The following VWC2 variants were observed in gnomAD, a reference collection of about 807,000 sequenced individuals.
VWC2 encodes von Willebrand factor C domain containing 2.
In VWC2, 14 loss-of-function variants were observed where a neutral mutation model predicts 29.8. The observed-to-expected ratio is 0.47, with a 90% CI of 0.31 to 0.74. VWC2 has a LOEUF of 0.74. Among genes scored for constraint, VWC2 ranks in the 30% least tolerant of loss-of-function variants. The pLI is 0.05. For missense variants in VWC2, 457 were observed against 459.8 expected (o/e 0.99, Z 0.05); for synonymous variants, 213 against 199.0 (o/e 1.07, Z -0.59).
rs188370407 is a variant in VWC2 at position 49,856,480 on chromosome 7, A to G, written c.826+53640A>G. On this transcript the variant is annotated intron_variant, in intron 3 of 3. Transcript: ENST00000340652. ...AGGCTGCAGATCATGAGCCAAATAT[A>G]CTTCTTTTCTTTAAAAATTACCCTT... 4.3e-4 allele frequency among the ~76,000 whole-genome samples: 65 copies of G among 152,314 alleles called. 1 individual carries two copies. Among genetic ancestry groups the G allele is most frequent in the Non-Finnish European group, 8.1e-4 (55 of 68,038 alleles).
chr7:49,813,745 T>C (rs938864185), intron 3 of VWC2, among the ~76,000 whole-genome samples: 1 of 152,192 alleles, frequency 6.6e-6, no homozygotes, highest in Admixed American at 6.5e-5. Flanking sequence ...ACATGGCTGT[T>C]GAATGGCAAA....
At chr7:49,776,236 T>A in intron 2 of VWC2, 105 bp downstream of exon 2, 1 of 1,040,734 alleles carries the variant, frequency 9.6e-7, no homozygotes, top group Non-Finnish European at 1.4e-6. Flanking sequence ...TCTCTGGTTC[T>A]GAGAGGTGGA....
chr7:49,826,961 A>G (rs1360560045), intron 3 of VWC2, among the ~76,000 whole-genome samples: 1 of 152,104 alleles, frequency 6.6e-6, no homozygotes, highest in African/African-American at 2.4e-5. Flanking sequence ...TTTTATCTTT[A>G]GCATGTTCAG....
intron 2 of VWC2, 62 bp downstream of exon 2, chr7:49,776,193 G>C (rs1234060667): frequency 7.3e-7 from 1 of 1,375,674 alleles, no homozygotes; most frequent in Non-Finnish European, 9.7e-7. Flanking sequence ...AACAGCTTTG[G>C]TTCTGTGGTC....
Position 49,802,810 on chromosome 7 carries a change from C to G in VWC2, c.796C>G (p.Pro266Ala). 1 of 1,614,178 alleles carries G rather than the reference C, an allele frequency of 6.2e-7. No homozygotes were observed. Among genetic ancestry groups the G allele is most frequent in the Non-Finnish European group, 8.5e-7 (1 of 1,180,032 alleles). The change falls in exon 3 of 4, where the codon CCT becomes GCT. Residue 266 changes from proline to alanine, a missense_variant. By Grantham distance (27) the Pro-to-Ala change is conservative (BLOSUM62 -1). This residue lies in a region of VWC2 where 185 missense variants were observed against 257.1 expected (regional missense o/e 0.72). Coordinates refer to ENST00000340652, the MANE Select transcript of VWC2 (RefSeq NM_198570.5). The part of the protein sequence containing the change: ...QTECVDPVYE[P>A]DQCCPICKNG... Reference sequence around the variant, plus strand: ...GGAGTGTGTGGACCCTGTGTACGAGCCTGATCAGTGCTGTCCCATCTGCAA... The same window carrying G: ...GGAGTGTGTGGACCCTGTGTACGAGGCTGATCAGTGCTGTCCCATCTGCAA...
At chr7:49,822,783 G>C (rs1489470050) in intron 3 of VWC2, among the ~76,000 whole-genome samples, 2 of 152,170 alleles carry the variant, frequency 1.3e-5, no homozygotes, top group Non-Finnish European at 1.5e-5. Context: ...GAGTCTTTGT[G>C]TCTGGCTTCT....
In VWC2 at chr7:49,883,178, C is replaced by T. The variant is rs370744200; in HGVS notation, c.827-28856C>T. On this transcript the variant is annotated intron_variant, in intron 3 of 3. Coordinates refer to ENST00000340652, the MANE Select transcript of VWC2 (RefSeq NM_198570.5). ...TGTCAGACCTTTATGCAGGTTTGAG[C>T]TTGAGGAGAAGCAGGCAATGAAGTC... 1.5e-3 allele frequency among the ~76,000 whole-genome samples: 232 copies of T among 152,090 alleles called. 3 individuals carry two copies. Among genetic ancestry groups the T allele is most frequent in the African/African-American group, 5.4e-3 (222 of 41,492 alleles).
chr7:49,792,371 T>C (rs534040059), intron 2 of VWC2, among the ~76,000 whole-genome samples: 3 of 152,324 alleles, frequency 2.0e-5, no homozygotes, highest in East Asian at 1.9e-4. Flanking sequence ...AGGGGCAGAA[T>C]TGGGCTTGAT....
At chr7:49,812,506 A>T (rs1484923548) in intron 3 of VWC2, among the ~76,000 whole-genome samples, 1 of 152,244 alleles carries the variant, frequency 6.6e-6, no homozygotes, top group Non-Finnish European at 1.5e-5. Context: ...AGCCTACTGA[A>T]GCTGAGACCC....
At position 49,818,982 on chromosome 7, in the gene VWC2, G is replaced by A. The variant is rs535582406; in HGVS notation, c.826+16142G>A. ...TAAATTAAATGTGATTAATGTTTAC[G>A]AAAAGTGTCACACATGTCCCAAAAC... On this transcript the variant is annotated intron_variant, in intron 3 of 3. Transcript: ENST00000340652. Among the ~76,000 whole-genome samples, 47 of 152,060 alleles carry A rather than the reference G, an allele frequency of 3.1e-4. 1 individual carries two copies. Among genetic ancestry groups the A allele is most frequent in the Admixed American group, 2.4e-3 (36 of 15,272 alleles).
chr7:49,803,742 G>A (rs1044471092), intron 3 of VWC2, among the ~76,000 whole-genome samples: 12 of 152,180 alleles, frequency 7.9e-5, no homozygotes, highest in African/African-American at 2.7e-4. Flanking sequence ...TGGCAGGCAT[G>A]TGTTGGTGGA....
intron 3 of VWC2, among the ~76,000 whole-genome samples, chr7:49,865,561 C>T (rs764158883): frequency 2.0e-5 from 3 of 152,208 alleles, no homozygotes; most frequent in Non-Finnish European, 2.9e-5. Context: ...TAATCCTCCA[C>T]ATAGTGGGCT....
At chr7:49,911,852 G>A (rs948885652) in intron 3 of VWC2, among the ~76,000 whole-genome samples, 182 bp from the exon 4 acceptor site, 12 of 151,640 alleles carry the variant, frequency 7.9e-5, no homozygotes, top group Admixed American at 1.3e-4. Flanking sequence ...AGCCGAGATC[G>A]TGCCACTGCA....
chr7:49,778,513 C>T (rs1277893186), intron 2 of VWC2, among the ~76,000 whole-genome samples: 2 of 152,198 alleles, frequency 1.3e-5, no homozygotes, highest in Non-Finnish European at 2.9e-5. Context: ...AGCATGTTTG[C>T]TCATTTTTGT....
At position 49,913,012 on chromosome 7, in the gene VWC2, G is replaced by A. The variant is rs1427139193; in HGVS notation, c.*827G>A. 1.3e-5 allele frequency: 2 copies of A among 152,194 alleles called. No individual in the cohort carries two copies. Among genetic ancestry groups the A allele is most frequent in the African/African-American group, 2.4e-5 (1 of 41,440 alleles). 9.4% of individuals were successfully genotyped at this position (152,194 alleles called of 1,614,324 possible). A position where few individuals can be genotyped will look rare whatever the true frequency, so the allele number is the denominator to read the frequency against. ...AGCTGAAGCAGACAACAAAATAGGG[G>A]AGGAGTCCTTCGATTCTCCTAGGAT... On this transcript the variant is annotated 3_prime_UTR_variant, in exon 4 of 4. Transcript: ENST00000340652.
intron 2 of VWC2, among the ~76,000 whole-genome samples, chr7:49,779,342 T>C (rs1788125115): frequency 6.6e-6 from 1 of 152,236 alleles, no homozygotes; most frequent in African/African-American, 2.4e-5. Context: ...CTGTTTGATC[T>C]CAGTTAGATA....
chr7:49,874,486 A>T (rs1359617100), intron 3 of VWC2, among the ~76,000 whole-genome samples: 1 of 152,164 alleles, frequency 6.6e-6, no homozygotes, highest in Non-Finnish European at 1.5e-5. Context: ...CATAACAACA[A>T]GATCACAAAA....
At chr7:49,822,641 GTT>G (rs2128709770) in intron 3 of VWC2, among the ~76,000 whole-genome samples, 1 of 152,284 alleles carries the variant, frequency 6.6e-6, no homozygotes, top group Admixed American at 6.5e-5. Flanking sequence ...ATTTCACCAT[GTT>G]GGCCAGGCTG....
At chr7:49,795,029 G>A (rs976063941) in intron 2 of VWC2, among the ~76,000 whole-genome samples, 2 of 152,126 alleles carry the variant, frequency 1.3e-5, no homozygotes, top group Non-Finnish European at 2.9e-5. Flanking sequence ...TAACCAGACT[G>A]AGCATTTGAG....
Sources: gnomAD v4.1 joint callset for allele counts (sites outside exome capture counted in the v4.1 genomes callset) on GRCh38, gnomAD v4.1.1 for gene constraint, gnomAD v4.1.1 regional missense constraint, MANE v1.5 for transcripts, NCBI Gene and HGNC (gene_info 2026-07-23, HGNC 2026-07-21) for gene names.